The following BLVRA variants were observed in gnomAD, a reference collection of about 807,000 sequenced individuals.
BLVRA encodes biliverdin reductase A, also known as BVR A.
A neutral mutation model predicts 32.8 loss-of-function variants in BLVRA; 22 were observed. The ratio of observed to expected loss-of-function variants is 0.67; its 90% CI spans 0.48 to 0.96. BLVRA has a LOEUF of 0.96. Among genes scored for constraint, BLVRA ranks in the 40% least tolerant of loss-of-function variants. The pLI is 0.00. For missense variants in BLVRA, 323 were observed against 358.1 expected (o/e 0.90, Z 0.79); for synonymous variants, 119 against 141.3 (o/e 0.84, Z 1.12).
At chr7:43,798,011 G>A (rs2132589306) in intron 5 of BLVRA, among the ~76,000 whole-genome samples, 1 of 151,820 alleles carries the variant, frequency 6.6e-6, no homozygotes, top group East Asian at 1.9e-4. Flanking sequence ...GGCCTACACT[G>A]TGAAACCCCG....
At chr7:43,774,257 G>A (rs1563538720) in intron 2 of BLVRA, among the ~76,000 whole-genome samples, 1 of 151,964 alleles carries the variant, frequency 6.6e-6, no homozygotes, top group Admixed American at 6.6e-5. Flanking sequence ...TTCTTCTAGG[G>A]TTTTATGGTT....
chr7:43,771,231 C>G, intron 2 of BLVRA, 61 bp downstream of exon 2: 1 of 1,568,996 alleles, frequency 6.4e-7, no homozygotes, highest in Non-Finnish European at 8.8e-7. Context: ...CTCATTTCTC[C>G]TTTGCAGAGT....
At position 43,798,197 on chromosome 7, in the gene BLVRA, CAAAAAAAAAAAAA is replaced by C. The variant is rs56855757; in HGVS notation, c.353-2251_353-2239del. ...TGACAGAGGGAGACTCCCCATCTCA[CAAAAAAAAAAAAA>C]AAAAAAAAAAAAAAAAGGAAACGAT... is the stretch of plus-strand genomic sequence containing the variant. On this transcript the variant is annotated intron_variant, in intron 5 of 7. Transcript: ENST00000265523. Among the ~76,000 whole-genome samples, 46 of 45,198 alleles carry C rather than the reference CAAAAAAAAAAAAA, an allele frequency of 1.0e-3. 1 individual carries two copies. Among genetic ancestry groups the C allele is most frequent in the Admixed American group, 2.3e-3 (7 of 3,102 alleles). 29.7% of individuals were successfully genotyped at this position (45,198 alleles called of 152,430 possible).
chr7:43,794,587 T>C (rs1345973652), intron 5 of BLVRA, among the ~76,000 whole-genome samples: 1 of 152,020 alleles, frequency 6.6e-6, no homozygotes, highest in Admixed American at 6.6e-5. Context: ...ATAAAAAAAT[T>C]AGCTGGGCGT....
Position 43,787,845 on chromosome 7 carries a change from AG to A in BLVRA, c.13-58del. ...GACCCTGCCAGCTCCTTTGTTTTGT[AG>A]TTTTCTGCTCGATGCCTACAGTGTT... On this transcript the variant is annotated intron_variant, in intron 2 of 7. Transcript: ENST00000265523. This position sits in a 1 kb window ranked among gnomAD's most constrained non-coding sequence, Gnocchi z 4.5. The A allele has an allele frequency of 6.2e-7, 1 of 1,613,540 alleles. No individual in the cohort carries two copies. The highest frequency in any genetic ancestry group is 8.5e-7 in the Non-Finnish European group (1 of 1,179,766).
chr7:43,799,979 G>A (rs951940062), intron 5 of BLVRA, among the ~76,000 whole-genome samples: 3 of 151,060 alleles, frequency 2.0e-5, no homozygotes, highest in African/African-American at 4.9e-5. Context: ...TTTTTGAAAC[G>A]GAGTCTCACT....
At chr7:43,782,723 A>C (rs1217754729) in intron 2 of BLVRA, among the ~76,000 whole-genome samples, 1 of 152,136 alleles carries the variant, frequency 6.6e-6, no homozygotes, top group Non-Finnish European at 1.5e-5. Flanking sequence ...TCTTGGGTAA[A>C]ATGAAGAAAG....
intron 5 of BLVRA, among the ~76,000 whole-genome samples, chr7:43,794,377 G>T (rs893419037): frequency 6.6e-6 from 1 of 152,130 alleles, no homozygotes; most frequent in African/African-American, 2.4e-5. Flanking sequence ...CAAAAATATT[G>T]CTCTCTGGTA....
At chr7:43,795,524 A>G (rs958804873) in intron 5 of BLVRA, among the ~76,000 whole-genome samples, 1 of 152,186 alleles carries the variant, frequency 6.6e-6, no homozygotes, top group Non-Finnish European at 1.5e-5. Flanking sequence ...AAACAAAACA[A>G]AACAATACAA....
intron 5 of BLVRA, among the ~76,000 whole-genome samples, chr7:43,798,662 CAGCCTTGGAATT>C (rs1484405268): frequency 6.6e-6 from 1 of 152,222 alleles, no homozygotes; most frequent in African/African-American, 2.4e-5. Flanking sequence ...TTCTCTGCCT[CAGCCTTGGAATT>C]AGTCAGTTCT....
intron 1 of BLVRA, among the ~76,000 whole-genome samples, chr7:43,762,431 G>A (rs1199747696): frequency 6.6e-6 from 1 of 151,686 alleles, no homozygotes; most frequent in Non-Finnish European, 1.5e-5. Flanking sequence ...ATTTGCATGT[G>A]GGAAAGAGAC....
chr7:43,775,784 T>G (rs1387101463), intron 2 of BLVRA, among the ~76,000 whole-genome samples: 1 of 152,244 alleles, frequency 6.6e-6, no homozygotes, highest in African/African-American at 2.4e-5. Flanking sequence ...CTCTTTTTGG[T>G]TGATAAGCTA....
At chr7:43,795,618 A>G (rs2095791744) in intron 5 of BLVRA, among the ~76,000 whole-genome samples, 1 of 152,254 alleles carries the variant, frequency 6.6e-6, no homozygotes, top group Admixed American at 6.5e-5. Context: ...AAAGATCTCA[A>G]TTCAACATCC....
chr7:43,803,244 C>T (rs1470697746), intron 6 of BLVRA, among the ~76,000 whole-genome samples: 1 of 151,948 alleles, frequency 6.6e-6, no homozygotes, highest in Non-Finnish European at 1.5e-5. Flanking sequence ...TTTGATTCTT[C>T]TACTTTTACC....
rs765120206 is a variant in BLVRA, at chr7:43,787,856, C to T, written c.13-48C>T. 2.5e-6 allele frequency: 4 copies of T among 1,614,044 alleles called. No homozygotes were observed. The highest frequency in any genetic ancestry group is 1.1e-5 in the South Asian group (1 of 91,060). On this transcript the variant is annotated intron_variant, in intron 2 of 7. Coordinates refer to ENST00000265523, the MANE Select transcript of BLVRA (RefSeq NM_000712.4). This position sits in a 1 kb window ranked among gnomAD's most constrained non-coding sequence, Gnocchi z 4.5. ...CTCCTTTGTTTTGTAGTTTTCTGCT[C>T]GATGCCTACAGTGTTTTCAGACTCC...
intron 2 of BLVRA, among the ~76,000 whole-genome samples, chr7:43,779,156 A>C (rs569759763): frequency 1.3e-5 from 2 of 152,274 alleles, no homozygotes; most frequent in South Asian, 4.1e-4. Context: ...GGTGCACTGC[A>C]CCCACTGTCT....
chr7:43,778,584 C>A (rs1435340256), intron 2 of BLVRA, among the ~76,000 whole-genome samples: 4 of 152,234 alleles, frequency 2.6e-5, no homozygotes, highest in African/African-American at 9.6e-5. Context: ...GGGTGCCTCC[C>A]AGTTAGGCTG....
intron 1 of BLVRA, among the ~76,000 whole-genome samples, chr7:43,766,222 G>T (rs1033888483): frequency 6.7e-6 from 1 of 149,614 alleles, no homozygotes; most frequent in African/African-American, 2.5e-5. Context: ...GGAGGCAGAG[G>T]TTGCAGTGAG....
chr7:43,771,853 GC>G (rs372705480), intron 2 of BLVRA, among the ~76,000 whole-genome samples: 3 of 152,214 alleles, frequency 2.0e-5, no homozygotes, highest in African/African-American at 7.2e-5. Context: ...GCAGCTCCTT[GC>G]CAGTGCCCTG....
Sources: gnomAD v4.1 joint callset for allele counts (sites outside exome capture counted in the v4.1 genomes callset) on GRCh38, gnomAD v4.1.1 for gene constraint, Gnocchi (gnomAD v3.1) non-coding constraint, MANE v1.5 for transcripts, NCBI Gene and HGNC (gene_info 2026-07-23, HGNC 2026-07-21) for gene names.